RPS6KA3: variants seen among roughly 807,000 people sequenced by gnomAD.
RPS6KA3 encodes the protein ribosomal protein S6 kinase A3.
RPS6KA3 carries 4 observed loss-of-function variants against 67.2 expected under a neutral mutation model. The observed-to-expected ratio is 0.06, with a 90% CI of 0.03 to 0.14. The LOEUF is 0.14. RPS6KA3 is among the 10% of genes least tolerant of loss of function. The probability of loss-of-function intolerance (pLI) is 1.00; values close to 1 mark genes in which losing one functional copy is unlikely to be tolerated. For missense variants in RPS6KA3, 204 were observed against 559.0 expected, an observed-to-expected ratio of 0.36 and a Z score of 6.40; for synonymous variants, 182 against 183.7, an observed-to-expected ratio of 0.99 and a Z score of 0.07.
rs201095116 is a variant in RPS6KA3, at chrX:20,234,745, A to G, written c.126+13T>C. 14 of 1,104,897 alleles carry G rather than the reference A, an allele frequency of 1.3e-5. No individual in the cohort carries two copies. In the African/African-American group the frequency reaches 2.4e-4, roughly 19 times the overall value. 91.1% of individuals were successfully genotyped at this position (1,104,897 alleles called of 1,213,427 possible). On this transcript the variant is annotated intron_variant, in intron 2 of 21. Coordinates refer to ENST00000379565, the MANE Select transcript of RPS6KA3 (RefSeq NM_004586.3). ...ATTTATCTATACCCTTTGTGATAAA[A>G]TATTTTACTTACAGTTTGTGGGTTA...
intron 10 of RPS6KA3, among the ~76,000 whole-genome samples, chrX:20,177,303 C>G (rs1255671603): frequency 8.9e-6 from 1 of 112,070 alleles, no homozygotes; most frequent in Non-Finnish European, 1.9e-5. Context: ...GACATGGAGA[C>G]AATCCAATGA....
chrX:20,261,512 T>C (rs1413964009), intron 1 of RPS6KA3, among the ~76,000 whole-genome samples: 3 of 112,537 alleles, frequency 2.7e-5, no homozygotes, highest in Non-Finnish European at 5.6e-5. Flanking sequence ...CTTCCTCCTA[T>C]GTTTCTGTAC....
chrX:20,202,491 A>T (rs943946552), intron 4 of RPS6KA3, among the ~76,000 whole-genome samples: 8 of 111,728 alleles, frequency 7.2e-5, no homozygotes, highest in African/African-American at 2.6e-4. Flanking sequence ...GATCTGAGAG[A>T]GCTTGTTCCC....
intron 2 of RPS6KA3, among the ~76,000 whole-genome samples, chrX:20,211,383 T>A (rs1348838165): frequency 9.0e-6 from 1 of 110,595 alleles, no homozygotes; most frequent in Non-Finnish European, 1.9e-5. Context: ...CAATTCTAGG[T>A]CTCCTGACTT....
chrX:20,207,477 T>C (rs1159088158), intron 3 of RPS6KA3, among the ~76,000 whole-genome samples: 1 of 111,807 alleles, frequency 8.9e-6, no homozygotes, highest in Non-Finnish European at 1.9e-5. Context: ...CAATCTAGAT[T>C]GGAGATATAA....
intron 2 of RPS6KA3, among the ~76,000 whole-genome samples, chrX:20,213,859 T>G (rs1053796325): frequency 1.8e-5 from 2 of 110,533 alleles, no homozygotes; most frequent in African/African-American, 3.3e-5. Flanking sequence ...TGACAATATA[T>G]GGTTCAAATG....
At chrX:20,192,026 G>A (rs1396079226) in intron 7 of RPS6KA3, among the ~76,000 whole-genome samples, 1 of 111,140 alleles carries the variant, frequency 9.0e-6, no homozygotes, top group African/African-American at 3.3e-5. Context: ...TTGGTCTCCC[G>A]AAGTGCTGGG....
intron 2 of RPS6KA3, among the ~76,000 whole-genome samples, chrX:20,231,959 G>A (rs897517083): frequency 7.2e-5 from 8 of 111,410 alleles, no homozygotes; most frequent in Admixed American, 4.8e-4. Flanking sequence ...GGCAAAGCAG[G>A]AAACTGATAC....
chrX:20,251,007 T>G (rs765783648), intron 1 of RPS6KA3, among the ~76,000 whole-genome samples: 54 of 112,288 alleles, frequency 4.8e-4, no homozygotes, highest in African/African-American at 1.7e-3. Context: ...ATTCTCTTAG[T>G]TTTCCTGCAT....
intron 2 of RPS6KA3, among the ~76,000 whole-genome samples, chrX:20,233,726 G>A (rs2069333803): frequency 9.0e-6 from 1 of 110,962 alleles, no homozygotes; most frequent in African/African-American, 3.3e-5. Context: ...ACTCTAGCCT[G>A]GGTGACAGGG....
At chrX:20,212,873 C>G (rs988221275) in intron 2 of RPS6KA3, among the ~76,000 whole-genome samples, 1 of 111,981 alleles carries the variant, frequency 8.9e-6, no homozygotes, top group Admixed American at 9.4e-5. Flanking sequence ...GTGGTATCAT[C>G]AAGGTATAAG....
chrX:20,215,564 T>C (rs1225599853), intron 2 of RPS6KA3, among the ~76,000 whole-genome samples: 2 of 111,812 alleles, frequency 1.8e-5, no homozygotes, highest in Non-Finnish European at 3.8e-5. Context: ...ATATGGAAAA[T>C]TACAGTAGTA....
intron 1 of RPS6KA3, among the ~76,000 whole-genome samples, chrX:20,253,029 A>C (rs935466144): frequency 9.0e-6 from 1 of 110,801 alleles, no homozygotes; most frequent in Non-Finnish European, 1.9e-5. Context: ...CTGCTGCTAG[A>C]CACCACCCTG....
intron 1 of RPS6KA3, among the ~76,000 whole-genome samples, chrX:20,237,276 TA>T (rs767965596): frequency 1.8e-5 from 2 of 111,529 alleles, no homozygotes; most frequent in South Asian, 7.4e-4. Context: ...TCATTAATTG[TA>T]AACAGTTATC....
intron 10 of RPS6KA3, among the ~76,000 whole-genome samples, chrX:20,180,939 T>C (rs1603423429): frequency 8.9e-6 from 1 of 112,023 alleles, no homozygotes; most frequent in Middle Eastern, 4.6e-3. Flanking sequence ...ATAACAGAAG[T>C]TTAAGAAGTA....
At chrX:20,241,268 G>A (rs975855048) in intron 1 of RPS6KA3, among the ~76,000 whole-genome samples, 4 of 109,174 alleles carry the variant, frequency 3.7e-5, no homozygotes, top group Admixed American at 9.9e-5. Flanking sequence ...AAGTGTTACC[G>A]TCTAAGGGGG....
intron 4 of RPS6KA3, among the ~76,000 whole-genome samples, chrX:20,202,001 C>T (rs1346180645): frequency 1.0e-3 from 77 of 77,257 alleles, no homozygotes; most frequent in Non-Finnish European, 1.4e-3. Flanking sequence ...TTTTTTGAGA[C>T]GGAGTTTTGC....
chrX:20,201,821 G>A (rs1337445531), intron 4 of RPS6KA3, among the ~76,000 whole-genome samples: 1 of 109,852 alleles, frequency 9.1e-6, no homozygotes, highest in Non-Finnish European at 1.9e-5. Flanking sequence ...ATTTTTCATT[G>A]TATGAAATGT....
intron 2 of RPS6KA3, among the ~76,000 whole-genome samples, chrX:20,233,211 G>C (rs1036973008): frequency 9.0e-6 from 1 of 111,548 alleles, no homozygotes; most frequent in Non-Finnish European, 1.9e-5. Flanking sequence ...AATATTTTCT[G>C]ATAATACCTA....
Sources: gnomAD v4.1 joint callset for allele counts (sites outside exome capture counted in the v4.1 genomes callset) on GRCh38, gnomAD v4.1.1 for gene constraint, MANE v1.5 for transcripts, NCBI Gene and HGNC (gene_info 2026-07-23, HGNC 2026-07-21) for gene names.